The following ABTB3 variants were observed in gnomAD, a reference collection of about 807,000 sequenced individuals.
ABTB3 encodes ankyrin repeat- and BTB/POZ domain-containing protein 3.
the ABTB3 span, among the ~76,000 whole-genome samples, chr12:107,648,067 G>A: frequency 6.6e-6 from 1 of 152,098 alleles, no homozygotes; most frequent in Non-Finnish European, 1.5e-5. Flanking sequence ...GGTAAAGTGA[G>A]TTTGTCAAAC....
At chr12:107,383,498 C>A in the ABTB3 span, among the ~76,000 whole-genome samples, 1 of 152,168 alleles carries the variant, frequency 6.6e-6, no homozygotes, top group Non-Finnish European at 1.5e-5. Flanking sequence ...ATGAGGATAA[C>A]CATAGCAACT....
chr12:107,600,460 G>A, the ABTB3 span, among the ~76,000 whole-genome samples: 2 of 152,294 alleles, frequency 1.3e-5, no homozygotes, highest in Non-Finnish European at 2.9e-5. Context: ...TGTGCCTTTG[G>A]TTATTGTTAT....
At chr12:107,510,825 C>T in the ABTB3 span, among the ~76,000 whole-genome samples, 1 of 151,744 alleles carries the variant, frequency 6.6e-6, no homozygotes, top group Non-Finnish European at 1.5e-5. Context: ...GAGAGGCTGA[C>T]GTGGGAGGAT....
At chr12:107,484,213 G>A in the ABTB3 span, among the ~76,000 whole-genome samples, 1 of 152,214 alleles carries the variant, frequency 6.6e-6, no homozygotes, top group Non-Finnish European at 1.5e-5. Flanking sequence ...GCTAGGTGGA[G>A]AAAAGCAAAG....
At chr12:107,518,311 T>C in the ABTB3 span, among the ~76,000 whole-genome samples, 21 of 152,146 alleles carry the variant, frequency 1.4e-4, no homozygotes, top group East Asian at 1.5e-3. Flanking sequence ...CACATGCACA[T>C]GTATGTTTAT....
chr12:107,544,021 G>A, the ABTB3 span: 2 of 1,613,976 alleles, frequency 1.2e-6, no homozygotes. Context: ...CCACAAGCAG[G>A]GGGCACTGTA....
the ABTB3 span, among the ~76,000 whole-genome samples, chr12:107,576,881 A>G: frequency 6.6e-6 from 1 of 152,260 alleles, no homozygotes; most frequent in East Asian, 1.9e-4. Context: ...GGAGGGTCCT[A>G]TCTTCTGATC....
the ABTB3 span, chr12:107,642,185 G>A: frequency 6.2e-7 from 1 of 1,612,468 alleles, no homozygotes; most frequent in African/African-American, 1.3e-5. Context: ...AGCCCCTGGT[G>A]TGGCCTGGCC....
the ABTB3 span, chr12:107,618,169 G>A: frequency 2.4e-5 from 38 of 1,613,684 alleles, no homozygotes; most frequent in Middle Eastern, 1.6e-4. Context: ...AATGTGTTCC[G>A]CAAACTGCTC....
the ABTB3 span, among the ~76,000 whole-genome samples, chr12:107,386,699 T>C: frequency 6.6e-6 from 1 of 152,162 alleles, no homozygotes. Flanking sequence ...GCCTTTGTTA[T>C]AGAGCACACC....
the ABTB3 span, among the ~76,000 whole-genome samples, chr12:107,469,960 CTTTCTTTCTTTCTTTCTTTCTTTCTT>C: frequency 1.5e-5 from 1 of 68,608 alleles, no homozygotes; most frequent in African/African-American, 9.4e-5. Flanking sequence ...TTCTTTCTTT[CTTTCTTTCTTTCTTTCTTTCTTTCTT>C]TCTTTCTTTC....
At chr12:107,543,080 A>C in the ABTB3 span, among the ~76,000 whole-genome samples, 1 of 152,174 alleles carries the variant, frequency 6.6e-6, no homozygotes, top group Non-Finnish European at 1.5e-5. Flanking sequence ...TTATGCCTGT[A>C]ATCCCAGCAC....
the ABTB3 span, among the ~76,000 whole-genome samples, chr12:107,372,256 C>T: frequency 1.6e-4 from 24 of 152,268 alleles, no homozygotes; most frequent in African/African-American, 4.3e-4. Flanking sequence ...TCAGGACCAG[C>T]GTTAGGTCTT....
the ABTB3 span, among the ~76,000 whole-genome samples, chr12:107,415,264 C>G: frequency 9.2e-5 from 14 of 151,864 alleles, no homozygotes; most frequent in Admixed American, 9.2e-4. Context: ...CTCAGACCCA[C>G]TGACTCAGAC....
chr12:107,638,741 G>A, the ABTB3 span, among the ~76,000 whole-genome samples: 11 of 152,176 alleles, frequency 7.2e-5, no homozygotes, highest in Non-Finnish European at 1.2e-4. Flanking sequence ...TCACTCATTC[G>A]TTTATTCCTC....
chr12:107,370,442 C>T, the ABTB3 span, among the ~76,000 whole-genome samples: 12 of 152,342 alleles, frequency 7.9e-5, no homozygotes, highest in African/African-American at 1.4e-4. Context: ...GATGCTTAGC[C>T]GGGAATGTTG....
chr12:107,470,950 C>T, the ABTB3 span, among the ~76,000 whole-genome samples: 57 of 152,296 alleles, frequency 3.7e-4, no homozygotes, highest in East Asian at 5.4e-3. Flanking sequence ...ACGTCTTATT[C>T]CCAACTGTAT....
the ABTB3 span, among the ~76,000 whole-genome samples, chr12:107,494,599 T>C: frequency 6.6e-6 from 1 of 152,202 alleles, no homozygotes; most frequent in South Asian, 2.1e-4. Context: ...CGGGAGTTTC[T>C]GTAAGAGCCT....
the ABTB3 span, among the ~76,000 whole-genome samples, chr12:107,543,751 G>A: frequency 6.6e-6 from 1 of 151,930 alleles, no homozygotes; most frequent in African/African-American, 2.4e-5. Context: ...GATTCAGTAA[G>A]CCCTCCTATG....
Sources: gnomAD v4.1 joint callset for allele counts (sites outside exome capture counted in the v4.1 genomes callset) on GRCh38, gnomAD v4.1.1 for gene constraint, MANE v1.5 for transcripts, NCBI Gene and HGNC (gene_info 2026-07-23, HGNC 2026-07-21) for gene names.